Variants in DYSF observed in about 807,000 individuals in gnomAD.
DYSF encodes dystrophy-associated fer-1-like 1.
DYSF carries 212 observed loss-of-function variants against 274.9 expected under a neutral mutation model. The observed-to-expected ratio is 0.77, with a 90% confidence interval of 0.69 to 0.86. The LOEUF (loss-of-function observed/expected upper bound fraction) is 0.86, where lower values mean the gene tolerates loss of function less well. Ranked by LOEUF, DYSF falls within the 40% of genes least tolerant of loss-of-function variation. DYSF has a pLI of 0.00. For synonymous variants in DYSF, 1,091 were observed against 1,078.7 expected (o/e 1.01, Z -0.22); for missense variants, 2,666 against 2,783.2 (o/e 0.96, Z 0.95).
At chr2:71,659,074 C>T in intron 44 of DYSF, 41 bp downstream of exon 44, 6 of 1,613,714 alleles carry the variant, frequency 3.7e-6, no homozygotes, top group Middle Eastern at 1.7e-4. Context: ...GAGTAGCAGG[C>T]TCAGGTACAA....
chr2:71,490,569 C>T (rs528677428), intron 3 of DYSF, among the ~76,000 whole-genome samples: 2 of 152,316 alleles, frequency 1.3e-5, no homozygotes, highest in East Asian at 1.9e-4. Flanking sequence ...TCAGGTGATC[C>T]GCCTGCCTCG....
chr2:71,620,973 G>A (rs553286439), intron 41 of DYSF, among the ~76,000 whole-genome samples: 5 of 152,190 alleles, frequency 3.3e-5, no homozygotes, highest in South Asian at 2.1e-4. Context: ...GACCTCAGAC[G>A]GCAGGCTGAC....
intron 1 of DYSF, among the ~76,000 whole-genome samples, chr2:71,479,071 G>T (rs1000329689): frequency 6.6e-6 from 1 of 151,658 alleles, no homozygotes; most frequent in Admixed American, 6.6e-5. Flanking sequence ...GTCCAGGCAG[G>T]ACTCTCTGAA....
chr2:71,484,892 A>T (rs2152687463), intron 3 of DYSF, among the ~76,000 whole-genome samples: 1 of 152,212 alleles, frequency 6.6e-6, no homozygotes, highest in Non-Finnish European at 1.5e-5. Flanking sequence ...GGGGAACGGG[A>T]AGCTTCGAAC....
At chr2:71,608,064 T>C (rs1377479311) in intron 36 of DYSF, among the ~76,000 whole-genome samples, 1 of 151,866 alleles carries the variant, frequency 6.6e-6, no homozygotes, top group East Asian at 1.9e-4. Flanking sequence ...GCTGGCCAGA[T>C]GCTGCTGAGG....
At chr2:71,623,512 A>T (rs1256757755) in intron 41 of DYSF, among the ~76,000 whole-genome samples, 1 of 152,064 alleles carries the variant, frequency 6.6e-6, no homozygotes, top group Non-Finnish European at 1.5e-5. Context: ...TGTCCATGTA[A>T]CTTTATTTGC....
At chr2:71,612,494 G>C in intron 38 of DYSF, 147 bp from the exon 39 acceptor site, 1 of 1,248,740 alleles carries the variant, frequency 8.0e-7, no homozygotes, top group Non-Finnish European at 1.1e-6. Context: ...GGCTTCGCTC[G>C]ACTGCCCAGC....
rs2152748702 is a variant in DYSF at position 71,526,339 on chromosome 2, GC to G, written c.1271del (p.Pro424ArgfsTer7). The G allele has an allele frequency of 6.2e-7, 1 of 1,610,342 alleles. No individual in the cohort carries two copies. The highest frequency in any genetic ancestry group is 8.5e-7 in the Non-Finnish European group (1 of 1,178,246). The part of the protein sequence containing the change: ...CLKVFRAEDL[P>X]QMDDAVMDNV... ...TGAAGGTCTTCCGGGCCGAGGACTTGCCGCAGAGTGCGTGGGGCGCGCCCTT... is the reference window on the plus strand; with the variant it reads ...TGAAGGTCTTCCGGGCCGAGGACTTGCGCAGAGTGCGTGGGGCGCGCCCTT... On this transcript the variant is annotated frameshift_variant, in exon 13 of 56. Coordinates refer to ENST00000410020, the MANE Select transcript of DYSF (RefSeq NM_001130987.2). LOFTEE classifies it high-confidence loss of function.
rs1020575204 is a variant in DYSF, at chr2:71,669,816, C to T, written c.5784+70C>T. On this transcript the variant is annotated intron_variant, in intron 51 of 55. Coordinates refer to ENST00000410020, the MANE Select transcript of DYSF (RefSeq NM_001130987.2). ...TAAAGTTAGCCTGACCTGACCACCACGTCCCTGCCTGGCAACTGTCACAAT... is the reference window on the plus strand; with the variant it reads ...TAAAGTTAGCCTGACCTGACCACCATGTCCCTGCCTGGCAACTGTCACAAT... 1.3e-5 allele frequency: 21 copies of T among 1,602,476 alleles called. No homozygotes were observed. The Admixed American group carries it at 2.5e-4, about 19-fold the overall frequency.
intron 10 of DYSF, among the ~76,000 whole-genome samples, chr2:71,519,803 C>T (rs1003423637): frequency 2.7e-5 from 4 of 148,604 alleles, no homozygotes; most frequent in Non-Finnish European, 5.9e-5. Flanking sequence ...CACCACCACA[C>T]CCGGCTAGTT....
rs961976335 is a variant in DYSF at position 71,482,053 on chromosome 2, C to T, written c.239+83C>T. The T allele has an allele frequency of 9.5e-6, 11 of 1,161,406 alleles. No homozygotes were observed. The East Asian group carries it at 2.6e-4, about 28-fold the overall frequency. The allele number at this position is 1,161,406 out of a possible 1,614,324, so 71.9% of individuals were successfully genotyped here. On this transcript the variant is annotated intron_variant, in intron 3 of 55. Transcript: ENST00000410020. ...TATACAGACTGCAGAATCCCAGGCC[C>T]CAGGGAGCTGGGGTTTCAATTAGCA...
chr2:71,556,017 A>T lies in DYSF; in HGVS notation c.2162A>T (p.Glu721Val). The T allele has an allele frequency of 6.3e-7, 1 of 1,579,036 alleles. No homozygotes were observed. The highest frequency in any genetic ancestry group is 1.2e-5 in the South Asian group (1 of 85,798). The part of the protein sequence containing the change: ...HLALKAQCST[E>V]DVDSLVAQLT... ...GCCCTGAAGGCGCAGTGCTCCACGGAGGACGTGGACTCGCTGGTGGCTCAG... is the reference window on the plus strand; with the variant it reads ...GCCCTGAAGGCGCAGTGCTCCACGGTGGACGTGGACTCGCTGGTGGCTCAG... The change falls in exon 22 of 56, where the codon GAG becomes GTG. Residue 721 changes from glutamate (E) to valine (V), a missense_variant. This residue lies in a region of DYSF where 412 missense variants were observed against 504.0 expected (regional missense o/e 0.82). Transcript: ENST00000410020.
Position 71,659,032 on chromosome 2 carries a change from A to G in DYSF, c.4910A>G (p.Lys1637Arg), listed in dbSNP as rs771900549. Residue 1637 changes from lysine (K) to arginine (R), a missense_variant and splice_region_variant, in exon 44 of 56, where the codon AAG becomes AGG. This residue lies in a region of DYSF where 1,460 missense variants were observed against 1,502.1 expected (regional missense o/e 0.97). Transcript: ENST00000410020. ...FGLQPKDPNG[K>R]CDPYIKISIG... ...CTGCAGCCCAAGGACCCCAATGGAA[A>G]GGTAACTTTCCTAGAGCCCTCACCT... 6.2e-7 allele frequency: 1 copy of G among 1,614,114 alleles called. No individual in the cohort carries two copies. The highest frequency in any genetic ancestry group is 8.5e-7 in the Non-Finnish European group (1 of 1,179,994).
Position 71,667,602 on chromosome 2 carries a change from G to T in DYSF, c.5457+87G>T, listed in dbSNP as rs1365818040. 3.8e-6 allele frequency: 6 copies of T among 1,574,434 alleles called. No homozygotes were observed. The Admixed American group carries it at 1.1e-4, about 28-fold the overall frequency. ...CAACATGGATATCCCAGAGGAGCCA[G>T]TGGGTCCCTTGAGATTTGGTCAATC... On this transcript the variant is annotated intron_variant, in intron 48 of 55. Transcript: ENST00000410020.
Position 71,561,792 on chromosome 2 carries a change from C to T in DYSF, c.2257C>T (p.His753Tyr). ...GDIHETPSATHLDQYLYQLRT... is the reference protein window; with the variant it reads ...GDIHETPSATYLDQYLYQLRT... ...CATCCATGAGACACCCTCTGCCACC[C>T]ACCTGGACCAGTACCTGTACCAGCT... Residue 753 changes from histidine to tyrosine, a missense_variant, in exon 23 of 56, where the codon CAC becomes TAC. Around this residue, in one of 3 missense-constraint regions of DYSF, gnomAD observed 412 missense variants for 504.0 expected, o/e 0.82. Transcript: ENST00000410020. 4 of 1,614,178 alleles carry T rather than the reference C, an allele frequency of 2.5e-6. No individual in the cohort carries two copies. The highest frequency in any genetic ancestry group is 3.4e-6 in the Non-Finnish European group (4 of 1,180,026).
chr2:71,520,164 C>G lies in DYSF; in HGVS notation c.1003-14C>G, dbSNP rs759378851. 4 of 1,614,186 alleles carry G rather than the reference C, an allele frequency of 2.5e-6. No individual in the cohort carries two copies. In the East Asian group the frequency reaches 8.9e-5, roughly 36 times the overall value. On this transcript the variant is annotated splice_polypyrimidine_tract_variant and intron_variant, in intron 10 of 55. Transcript: ENST00000410020. ...GGCAAGAGTTTGATTTGTGTCTCCT[C>G]TCATTGATTGCAGATGGACGTGGGC...
intron 41 of DYSF, among the ~76,000 whole-genome samples, chr2:71,630,990 G>T (rs1246056348): frequency 4.6e-5 from 7 of 152,166 alleles, no homozygotes. Context: ...TGCTCTCACC[G>T]ACTATGAAGT....
At chr2:71,612,541 G>A (rs2152876763) in intron 38 of DYSF, 100 bp from the exon 39 acceptor site, 1 of 1,549,052 alleles carries the variant, frequency 6.5e-7, no homozygotes, top group South Asian at 1.2e-5. Context: ...CTGGCTGTGG[G>A]GATTATCTGC....
At chr2:71,483,367 G>A (rs1167957238) in intron 3 of DYSF, among the ~76,000 whole-genome samples, 2 of 152,222 alleles carry the variant, frequency 1.3e-5, no homozygotes, top group African/African-American at 4.8e-5. Context: ...CGCAGATCAG[G>A]GAGGGAGCAG....
Sources: allele counts gnomAD v4.1 joint callset (sites outside exome capture counted in the v4.1 genomes callset), GRCh38; gene constraint gnomAD v4.1.1; regional missense constraint gnomAD v4.1.1; transcripts MANE v1.5; gene names NCBI Gene and HGNC (gene_info 2026-07-23, HGNC 2026-07-21).